The following ACAD11 variants were observed in gnomAD, a reference collection of about 807,000 sequenced individuals.
ACAD11 encodes acyl-CoA dehydrogenase family member 11.
In ACAD11, 83 loss-of-function variants were observed where a neutral mutation model predicts 102.2. The observed-to-expected ratio is 0.81, with a 90% CI of 0.68 to 0.97. The LOEUF (loss-of-function observed/expected upper bound fraction) is 0.97, where lower values mean the gene tolerates loss of function less well. Among genes scored for constraint, ACAD11 ranks in the 50% least tolerant of loss-of-function variants. The probability of loss-of-function intolerance (pLI) is 0.00; values close to 1 mark genes in which losing one functional copy is unlikely to be tolerated. For synonymous variants in ACAD11, 324 were observed against 319.8 expected, an observed-to-expected ratio of 1.01 and a Z score of -0.14; for missense variants, 901 against 951.7, an observed-to-expected ratio of 0.95 and a Z score of 0.70.
chr3:132,572,512 A>AT (rs1937409209), intron 17 of ACAD11, among the ~76,000 whole-genome samples: 1 of 152,210 alleles, frequency 6.6e-6, no homozygotes, highest in Non-Finnish European at 1.5e-5. Flanking sequence ...CAAGCTACCA[A>AT]TGACACTCTT....
chr3:132,609,033 G>A (rs1440845905), intron 11 of ACAD11, among the ~76,000 whole-genome samples: 1 of 152,146 alleles, frequency 6.6e-6, no homozygotes, highest in Non-Finnish European at 1.5e-5. Context: ...ACCTGCTCCT[G>A]AATGACTACT....
intron 2 of ACAD11, among the ~76,000 whole-genome samples, chr3:132,643,293 G>C (rs1940593352): frequency 6.6e-6 from 1 of 152,180 alleles, no homozygotes; most frequent in African/African-American, 2.4e-5. Flanking sequence ...GAGCAAGGGA[G>C]GCATGTGTTT....
At position 132,561,171 on chromosome 3, in the gene ACAD11, T is replaced by G. The variant is rs1157084750; in HGVS notation, c.2048A>C (p.Lys683Thr). The change falls in exon 18 of 20, where the codon AAG becomes ACG. Residue 683 changes from lysine (K) to threonine (T), a missense_variant. By Grantham distance (78) the Lys-to-Thr change is moderately conservative. Coordinates refer to ENST00000264990, the MANE Select transcript of ACAD11 (RefSeq NM_032169.5). ...AGCTTTCAGAGTCAACAAGCGGATC[T>G]TCTCAATGGCAATGCGGCTTTCAGC... is the stretch of plus-strand genomic sequence containing the variant. Reference protein sequence around the residue: ...WIAESRIAIEKIRLLTLKAAH... With the variant: ...WIAESRIAIETIRLLTLKAAH... 6.2e-7 allele frequency: 1 copy of G among 1,613,524 alleles called. No individual in the cohort carries two copies.
At position 132,559,024 on chromosome 3, in the gene ACAD11, T is replaced by C. The variant is rs771774190; in HGVS notation, c.2290A>G (p.Ile764Val). 1.9e-6 allele frequency: 3 copies of C among 1,613,820 alleles called. No individual in the cohort carries two copies. The highest frequency in any genetic ancestry group is 2.2e-5 in the South Asian group (2 of 91,032). ...DGPDEVHLSAIATMELRDQAK... is the reference protein window; with the variant it reads ...DGPDEVHLSAVATMELRDQAK... Reference sequence around the variant, plus strand: ...TGGTCCCGCAGCTCCATTGTTGCGATTGCTGAAAGATGAACTTCGTCAGGT... The same window carrying C: ...TGGTCCCGCAGCTCCATTGTTGCGACTGCTGAAAGATGAACTTCGTCAGGT... Residue 764 changes from isoleucine (I) to valine (V), a missense_variant, in exon 20 of 20, where the codon ATC becomes GTC. Ile to Val is a conservative substitution (Grantham distance 29). Transcript: ENST00000264990.
intron 4 of ACAD11, among the ~76,000 whole-genome samples, chr3:132,641,698 GGAAGAAGAA>G (rs199597510): frequency 4.1e-4 from 48 of 116,676 alleles, no homozygotes; most frequent in South Asian, 5.7e-4. Flanking sequence ...AAGAGGAAGA[GGAAGAAGAA>G]GAAGAAGAAG....
At chr3:132,652,251 A>G (rs1312837088) in intron 1 of ACAD11, among the ~76,000 whole-genome samples, 3 of 152,138 alleles carry the variant, frequency 2.0e-5, no homozygotes, top group Non-Finnish European at 2.9e-5. Context: ...GTTCCCCTGT[A>G]CACATTCTCT....
At position 132,576,932 on chromosome 3, in the gene ACAD11, A is replaced by G; in HGVS notation, c.1846+12T>C. 6.3e-7 allele frequency: 1 copy of G among 1,583,552 alleles called. No individual in the cohort carries two copies. The highest frequency in any genetic ancestry group is 8.7e-7 in the Non-Finnish European group (1 of 1,153,894). ...GTACAATACTGAAGAATCATTTCCA[A>G]ATTCAACTCACCTAGTATTAGATTT... On this transcript the variant is annotated intron_variant, in intron 16 of 19. Coordinates refer to ENST00000264990, the MANE Select transcript of ACAD11 (RefSeq NM_032169.5).
At chr3:132,588,933 C>G (rs186451535) in intron 13 of ACAD11, among the ~76,000 whole-genome samples, 2 of 152,040 alleles carry the variant, frequency 1.3e-5, no homozygotes, top group Admixed American at 1.3e-4. Context: ...TATGTCACCC[C>G]CTAGAAGTCA....
chr3:132,639,639 C>T lies in ACAD11; in HGVS notation c.555G>A (p.Lys185=), dbSNP rs771473031. 2 of 1,613,058 alleles carry T rather than the reference C, an allele frequency of 1.2e-6. No homozygotes were observed. The highest frequency in any genetic ancestry group is 2.2e-5 in the East Asian group (1 of 44,806). ...CCTGATGAGCTGCAGCTTGATATTG[C>T]TTTGTCCAGGTTGATACCTAAAGAC... The part of the protein sequence containing the change: ...YCKRQVSTWT[K]QYQAAAHQDI... The change falls in exon 5 of 20, where the codon AAG becomes AAA. Residue 185 remains lysine, a synonymous_variant. Coordinates refer to ENST00000264990, the MANE Select transcript of ACAD11 (RefSeq NM_032169.5).
chr3:132,592,173 A>T (rs1277889734), intron 13 of ACAD11, among the ~76,000 whole-genome samples: 2 of 152,100 alleles, frequency 1.3e-5, no homozygotes, highest in African/African-American at 4.8e-5. Context: ...AAATGAGAAA[A>T]ACCCTTCCCA....
intron 4 of ACAD11, among the ~76,000 whole-genome samples, chr3:132,641,668 A>AGAAGAG (rs141782699): frequency 7.3e-4 from 102 of 139,988 alleles, no homozygotes; most frequent in Admixed American, 2.4e-3. Flanking sequence ...AAGAGGAGGA[A>AGAAGAG]GAAGAGGAAG....
At chr3:132,658,928 C>A (rs1040358683) in intron 1 of ACAD11, among the ~76,000 whole-genome samples, 2 of 152,208 alleles carry the variant, frequency 1.3e-5, no homozygotes, top group Non-Finnish European at 2.9e-5. Context: ...AACTCCCAGA[C>A]AGCAAGTGAC....
intron 17 of ACAD11, among the ~76,000 whole-genome samples, chr3:132,566,497 G>A (rs1375376269): frequency 6.6e-6 from 1 of 151,994 alleles, no homozygotes; most frequent in Non-Finnish European, 1.5e-5. Flanking sequence ...TCCCAAGCAG[G>A]ATAAATCCTA....
intron 4 of ACAD11, among the ~76,000 whole-genome samples, chr3:132,641,417 G>A (rs1940492237): frequency 6.6e-6 from 1 of 152,052 alleles, no homozygotes; most frequent in South Asian, 2.1e-4. Flanking sequence ...GATGGCGGGA[G>A]CCTGTAGTCC....
chr3:132,562,988 G>A (rs1242578761), intron 17 of ACAD11, among the ~76,000 whole-genome samples: 1 of 152,124 alleles, frequency 6.6e-6, no homozygotes, highest in Non-Finnish European at 1.5e-5. Context: ...TCCATTTAGA[G>A]TTAAAATTTT....
chr3:132,598,951 G>C (rs537075986), intron 13 of ACAD11, among the ~76,000 whole-genome samples: 1 of 152,280 alleles, frequency 6.6e-6, no homozygotes, highest in Non-Finnish European at 1.5e-5. Flanking sequence ...AAATACTCTG[G>C]TGGAAGTAAG....
At chr3:132,635,848 T>C (rs1940255225) in intron 5 of ACAD11, among the ~76,000 whole-genome samples, 1 of 151,832 alleles carries the variant, frequency 6.6e-6, no homozygotes, top group Non-Finnish European at 1.5e-5. Context: ...ATTGTGGTTA[T>C]ATTATACTAT....
chr3:132,586,382 C>T (rs1202559110), intron 13 of ACAD11, among the ~76,000 whole-genome samples: 1 of 151,968 alleles, frequency 6.6e-6, no homozygotes, highest in East Asian at 1.9e-4. Context: ...AGGAGATATA[C>T]CTAATGTTAA....
At chr3:132,574,637 A>C (rs901251970) in intron 17 of ACAD11, among the ~76,000 whole-genome samples, 3 of 152,228 alleles carry the variant, frequency 2.0e-5, no homozygotes, top group Admixed American at 2.0e-4. Context: ...TGCAGCAAAC[A>C]CAAATACAAT....
Sources: gnomAD v4.1 joint callset for allele counts (sites outside exome capture counted in the v4.1 genomes callset) on GRCh38, gnomAD v4.1.1 for gene constraint, MANE v1.5 for transcripts, NCBI Gene and HGNC (gene_info 2026-07-23, HGNC 2026-07-21) for gene names.